The following SHISA9 variants were observed in gnomAD, a reference collection of about 807,000 sequenced individuals.
SHISA9 encodes protein shisa-9.
In SHISA9, 13 loss-of-function variants were observed where a neutral mutation model predicts 38.0. The ratio of observed to expected loss-of-function variants is 0.34; its 90% CI spans 0.22 to 0.54. SHISA9 has a LOEUF of 0.54. SHISA9 is among the 20% of genes least tolerant of loss of function. The probability of loss-of-function intolerance (pLI) is 0.91; values close to 1 mark genes in which losing one functional copy is unlikely to be tolerated. For synonymous variants in SHISA9, 275 were observed against 242.0 expected (o/e 1.14, Z -1.27); for missense variants, 538 against 575.8 (o/e 0.93, Z 0.67).
the SHISA9 span, among the ~76,000 whole-genome samples, chr16:13,540,719 TC>T: frequency 6.6e-6 from 1 of 152,202 alleles, no homozygotes; most frequent in African/African-American, 2.4e-5. Flanking sequence ...GTAATGATGC[TC>T]CCATAGTGAG....
At position 13,027,927 on chromosome 16, in the gene SHISA9, C is replaced by CAAAAAAA. The variant is rs201210384; in HGVS notation, c.691+111117_691+111118insAAAAAAA. On this transcript the variant is annotated intron_variant, in intron 2 of 4. Transcript: ENST00000558583. Reference sequence around the variant, plus strand: ...GGGTGACTAGAGTGAAGCTCTGTCTCAAAAACAAAAAAAAAAAAAAAAAAA... The same window carrying CAAAAAAA: ...GGGTGACTAGAGTGAAGCTCTGTCTCAAAAAAAAAAAACAAAAAAAAAAAAAAAAAAA... Among the ~76,000 whole-genome samples, 17 of 29,408 alleles carry CAAAAAAA rather than the reference C, an allele frequency of 5.8e-4. 1 individual carries two copies. Among genetic ancestry groups the CAAAAAAA allele is most frequent in the Non-Finnish European group, 8.0e-4 (13 of 16,230 alleles). 19.3% of individuals were successfully genotyped at this position (29,408 alleles called of 152,430 possible). A position where few individuals can be genotyped will look rare whatever the true frequency, so the allele number is the denominator to read the frequency against.
chr16:13,450,043 G>T, the SHISA9 span, among the ~76,000 whole-genome samples: 463 of 152,224 alleles, frequency 3.0e-3, 4 homozygotes, highest in African/African-American at 0.011. Flanking sequence ...CTTGAACCTG[G>T]GAGGTGGAGG....
chr16:13,450,478 C>T, the SHISA9 span, among the ~76,000 whole-genome samples: 1 of 152,196 alleles, frequency 6.6e-6, no homozygotes, highest in Non-Finnish European at 1.5e-5. Flanking sequence ...TTTCATGGGT[C>T]TCCTCATTTT....
intron 2 of SHISA9, among the ~76,000 whole-genome samples, chr16:13,015,878 CTT>C (rs1555454816): frequency 3.0e-4 from 34 of 111,766 alleles, no homozygotes; most frequent in Middle Eastern, 4.2e-3. Context: ...TTCTTTCTTT[CTT>C]TCTTTCTTTC....
chr16:13,488,180 CCT>C, the SHISA9 span, among the ~76,000 whole-genome samples: 1 of 151,934 alleles, frequency 6.6e-6, no homozygotes, highest in East Asian at 1.9e-4. Flanking sequence ...AATGGCTTTA[CCT>C]CCCGACCATT....
At chr16:13,131,250 TA>T (rs1239436376) in intron 2 of SHISA9, among the ~76,000 whole-genome samples, 3 of 152,124 alleles carry the variant, frequency 2.0e-5, no homozygotes, top group Non-Finnish European at 4.4e-5. Context: ...AAAGAAAATG[TA>T]AAAAATATAC....
intron 2 of SHISA9, among the ~76,000 whole-genome samples, chr16:13,191,518 T>C (rs907359374): frequency 6.6e-6 from 1 of 152,214 alleles, no homozygotes; most frequent in Non-Finnish European, 1.5e-5. Flanking sequence ...ATGATCATAA[T>C]GTATTTGAAC....
chr16:13,473,813 TC>T, the SHISA9 span, among the ~76,000 whole-genome samples: 1 of 151,240 alleles, frequency 6.6e-6, no homozygotes, highest in African/African-American at 2.5e-5. Context: ...TTGTGTGTGT[TC>T]TTTTTTAAAT....
At chr16:13,154,178 C>T (rs571500920) in intron 2 of SHISA9, among the ~76,000 whole-genome samples, 12 of 152,288 alleles carry the variant, frequency 7.9e-5, no homozygotes, top group South Asian at 4.1e-4. Flanking sequence ...TTTTAATTAT[C>T]GTCATTTTAC....
chr16:13,297,332 CTG>C, the SHISA9 span, among the ~76,000 whole-genome samples: 1 of 152,144 alleles, frequency 6.6e-6, no homozygotes, highest in Non-Finnish European at 1.5e-5. Flanking sequence ...ATTTTTAAGA[CTG>C]TTGATAATTT....
intron 2 of SHISA9, among the ~76,000 whole-genome samples, chr16:13,071,703 TCTCAGGTTACTGCAAC>T (rs1380734900): frequency 2.0e-5 from 3 of 151,854 alleles, no homozygotes; most frequent in African/African-American, 7.3e-5. Flanking sequence ...AGTGGCACGA[TCTCAGGTTACTGCAAC>T]CTCCACCTCC....
intron 2 of SHISA9, among the ~76,000 whole-genome samples, chr16:12,925,321 C>G (rs2071379475): frequency 6.6e-6 from 1 of 152,164 alleles, no homozygotes; most frequent in Non-Finnish European, 1.5e-5. Context: ...ACTTAAAACA[C>G]ATGAGCTTTT....
chr16:13,356,590 A>G, the SHISA9 span, among the ~76,000 whole-genome samples: 1 of 152,052 alleles, frequency 6.6e-6, no homozygotes, highest in South Asian at 2.1e-4. Flanking sequence ...CTGAGGAAGG[A>G]TTGGGACCTA....
the SHISA9 span, among the ~76,000 whole-genome samples, chr16:13,397,120 CTTAAA>C: frequency 2.0e-5 from 3 of 152,184 alleles, no homozygotes; most frequent in Non-Finnish European, 4.4e-5. Context: ...TTTTCTCCAG[CTTAAA>C]TTAACTGTAA....
chr16:13,145,670 G>A (rs1453776068), intron 2 of SHISA9, among the ~76,000 whole-genome samples: 1 of 152,220 alleles, frequency 6.6e-6, no homozygotes, highest in Non-Finnish European at 1.5e-5. Flanking sequence ...GAAGTGTGGA[G>A]TACATTGTAT....
chr16:13,292,845 G>T, the SHISA9 span, among the ~76,000 whole-genome samples: 4 of 152,280 alleles, frequency 2.6e-5, no homozygotes, highest in East Asian at 7.7e-4. Context: ...ACATCCAGTT[G>T]AATGAGGGCA....
the SHISA9 span, among the ~76,000 whole-genome samples, chr16:13,311,873 C>G: frequency 1.3e-5 from 2 of 152,094 alleles, no homozygotes; most frequent in East Asian, 3.9e-4. Context: ...ATAATAGTAA[C>G]TATAGGATTG....
chr16:12,972,847 G>C, intron 2 of SHISA9, among the ~76,000 whole-genome samples: 1 of 152,104 alleles, frequency 6.6e-6, no homozygotes, highest in Non-Finnish European at 1.5e-5. Flanking sequence ...TGGGTGCAGT[G>C]GTTCACTCCT....
the SHISA9 span, among the ~76,000 whole-genome samples, chr16:13,386,900 G>C: frequency 1.3e-5 from 2 of 152,026 alleles, no homozygotes; most frequent in Non-Finnish European, 1.5e-5. Flanking sequence ...TGTTTCTAAT[G>C]TTTTACTATC....
Sources: allele counts gnomAD v4.1 joint callset (sites outside exome capture counted in the v4.1 genomes callset), GRCh38; gene constraint gnomAD v4.1.1; transcripts MANE v1.5; gene names NCBI Gene and HGNC (gene_info 2026-07-23, HGNC 2026-07-21).